Variants in KCTD16 observed in about 807,000 individuals in gnomAD.
KCTD16 encodes the protein BTB/POZ domain-containing protein KCTD16.
KCTD16 carries 13 observed loss-of-function variants against 33.2 expected under a neutral mutation model. That is an observed-to-expected ratio of 0.39 (90% CI 0.25 to 0.62). The LOEUF (loss-of-function observed/expected upper bound fraction) is 0.62, where lower values mean the gene tolerates loss of function less well. Among genes scored for constraint, KCTD16 ranks in the 20% least tolerant of loss-of-function variants. The pLI, the probability that KCTD16 is intolerant of heterozygous loss-of-function variation, is 0.50. For synonymous variants in KCTD16, 197 were observed against 195.3 expected (o/e 1.01, Z -0.07); for missense variants, 441 against 525.1 (o/e 0.84, Z 1.57).
rs70995050 is a variant in KCTD16, at chr5:144,393,963, C to CTT, written c.833-79681_833-79680dup. ...CTTTTCCTTTTTTTCTTTCTTTTTT[C>CTT]TTTTTTTTTTTTTTTTTGTTTAAAC... On this transcript the variant is annotated intron_variant, in intron 3 of 3. Coordinates refer to ENST00000512467, the MANE Select transcript of KCTD16 (RefSeq NM_020768.4). 2.2e-3 allele frequency among the ~76,000 whole-genome samples: 272 copies of CTT among 121,998 alleles called. 2 individuals carry two copies. The highest frequency in any genetic ancestry group is 5.0e-3 in the African/African-American group (165 of 32,888). The allele number at this position is 121,998 out of a possible 152,430, so 80.0% of individuals were successfully genotyped here.
chr5:144,456,773 T>C (rs1754074325), intron 3 of KCTD16, among the ~76,000 whole-genome samples: 1 of 151,322 alleles, frequency 6.6e-6, no homozygotes, highest in African/African-American at 2.4e-5. Flanking sequence ...TTTTTTTTTC[T>C]GGTGGGTGTA....
Position 144,479,826 on chromosome 5 carries a change from A to G in KCTD16, c.*5712A>G, listed in dbSNP as rs1754669727. ...ATTATTTAGGAAATTTACTTTTAAAAGGATAAAGAAAAATGTGCCTGGCCT... is the reference window on the plus strand; with the variant it reads ...ATTATTTAGGAAATTTACTTTTAAAGGGATAAAGAAAAATGTGCCTGGCCT... On this transcript the variant is annotated 3_prime_UTR_variant, in exon 4 of 4. Coordinates refer to ENST00000512467, the MANE Select transcript of KCTD16 (RefSeq NM_020768.4). The G allele has an allele frequency of 1.3e-5, 2 of 151,940 alleles. No individual in the cohort carries two copies. Among genetic ancestry groups the G allele is most frequent in the South Asian group, 4.1e-4 (2 of 4,828 alleles). The allele number at this position is 151,940 out of a possible 1,614,324, so 9.4% of individuals were successfully genotyped here. A position where few individuals can be genotyped will look rare whatever the true frequency, so the allele number is the denominator to read the frequency against.
Position 144,460,835 on chromosome 5 carries a change from T to C in KCTD16, c.833-12825T>C, listed in dbSNP as rs73792039. Among the ~76,000 whole-genome samples the C allele has an allele frequency of 2.8e-3, 427 of 152,254 alleles. 4 individuals are homozygous for C. Among genetic ancestry groups the C allele is most frequent in the African/African-American group, 9.7e-3 (404 of 41,538 alleles). ...GATCAATCAAATCTTAGTTTAGTGC[T>C]TAGTGAATGAATGTGAAGATCAAAT... On this transcript the variant is annotated intron_variant, in intron 3 of 3. Transcript: ENST00000512467.
chr5:144,224,540 C>A (rs1753870595), intron 3 of KCTD16, among the ~76,000 whole-genome samples: 1 of 152,044 alleles, frequency 6.6e-6, no homozygotes, highest in Admixed American at 6.6e-5. Context: ...CAGCCCTATT[C>A]TGTAAAAACA....
intron 3 of KCTD16, among the ~76,000 whole-genome samples, chr5:144,241,219 G>A (rs572619359): frequency 6.6e-5 from 10 of 152,208 alleles, no homozygotes; most frequent in South Asian, 6.2e-4. Flanking sequence ...AGGGCACTAC[G>A]TGAGTAAAAA....
intron 3 of KCTD16, among the ~76,000 whole-genome samples, chr5:144,261,434 C>T (rs1755008477): frequency 6.6e-6 from 1 of 152,312 alleles, no homozygotes; most frequent in Admixed American, 6.5e-5. Flanking sequence ...ACCCTCTCTG[C>T]TTCTATAAAA....
intron 3 of KCTD16, among the ~76,000 whole-genome samples, chr5:144,226,432 T>C (rs1466967618): frequency 7.2e-5 from 11 of 152,188 alleles, no homozygotes; most frequent in Admixed American, 7.2e-4. Context: ...ATCCATGAGG[T>C]AATATTTTTA....
At position 144,384,204 on chromosome 5, in the gene KCTD16, C is replaced by T. The variant is rs1752275985; in HGVS notation, c.833-89456C>T. On this transcript the variant is annotated intron_variant, in intron 3 of 3. Coordinates refer to ENST00000512467, the MANE Select transcript of KCTD16 (RefSeq NM_020768.4). ...GGTAGCAAGTGATGGAGCATTTCTA[C>T]GTGTATCCAAACCTTTGCAAAATGG... The T allele has an allele frequency of 3.9e-5, 6 of 152,294 alleles. No homozygotes were observed. In the South Asian group the frequency reaches 1.0e-3, roughly 26 times the overall value. The allele number at this position is 152,294 out of a possible 1,614,324, so 9.4% of individuals were successfully genotyped here. A position where few individuals can be genotyped will look rare whatever the true frequency, so the allele number is the denominator to read the frequency against.
intron 3 of KCTD16, among the ~76,000 whole-genome samples, chr5:144,379,605 C>T (rs1003812066): frequency 6.6e-6 from 1 of 152,128 alleles, no homozygotes; most frequent in East Asian, 1.9e-4. Flanking sequence ...AAGGTAACAT[C>T]TTCAACAAGT....
At chr5:144,173,432 A>G (rs2126768618) in intron 1 of KCTD16, among the ~76,000 whole-genome samples, 1 of 152,336 alleles carries the variant, frequency 6.6e-6, no homozygotes, top group East Asian at 1.9e-4. Context: ...CTAAATAATG[A>G]GAACACATGG....
intron 3 of KCTD16, among the ~76,000 whole-genome samples, chr5:144,270,769 A>G (rs2126846553): frequency 6.6e-6 from 1 of 151,948 alleles, no homozygotes; most frequent in Middle Eastern, 3.4e-3. Context: ...AAATTGGCAA[A>G]CCTTTAGCTA....
intron 3 of KCTD16, among the ~76,000 whole-genome samples, chr5:144,365,023 ATT>A (rs11325209): frequency 1.1e-3 from 167 of 146,340 alleles, no homozygotes; most frequent in East Asian, 1.2e-3. Flanking sequence ...GCAAATCCTC[ATT>A]TTTTTTTTTT....
chr5:144,350,310 A>T (rs555358979), intron 3 of KCTD16, among the ~76,000 whole-genome samples: 1 of 152,276 alleles, frequency 6.6e-6, no homozygotes, highest in East Asian at 1.9e-4. Context: ...AGAACTGCAA[A>T]CACAAGGCCT....
intron 3 of KCTD16, among the ~76,000 whole-genome samples, chr5:144,258,180 A>C (rs1754904176): frequency 6.6e-6 from 1 of 152,200 alleles, no homozygotes; most frequent in Admixed American, 6.5e-5. Context: ...TGAAAAGAAC[A>C]TCTATATAAA....
chr5:144,348,423 G>A (rs1752861059), intron 3 of KCTD16, among the ~76,000 whole-genome samples: 1 of 152,130 alleles, frequency 6.6e-6, no homozygotes, highest in South Asian at 2.1e-4. Flanking sequence ...GTCACCAGCT[G>A]GTAAATAGCC....
At chr5:144,305,001 T>C (rs1218929617) in intron 3 of KCTD16, among the ~76,000 whole-genome samples, 3 of 105,340 alleles carry the variant, frequency 2.8e-5, no homozygotes, top group African/African-American at 1.3e-4. Context: ...TTTTTTTTTT[T>C]CTGAGTTGGC....
At chr5:144,256,784 A>C (rs1375720903) in intron 3 of KCTD16, among the ~76,000 whole-genome samples, 1 of 152,118 alleles carries the variant, frequency 6.6e-6, no homozygotes, top group South Asian at 2.1e-4. Flanking sequence ...AAATTATTGT[A>C]TACCAAAAAC....
intron 3 of KCTD16, among the ~76,000 whole-genome samples, chr5:144,340,445 T>C (rs1366151855): frequency 7.0e-6 from 1 of 142,440 alleles, no homozygotes; most frequent in Non-Finnish European, 1.5e-5. Flanking sequence ...AGAGGCAGAG[T>C]TGGAGAGGGG....
intron 2 of KCTD16, among the ~76,000 whole-genome samples, chr5:144,200,240 A>G (rs1294955630): frequency 6.6e-6 from 1 of 152,118 alleles, no homozygotes; most frequent in East Asian, 1.9e-4. Context: ...CGGAGGCACA[A>G]TGGTGATACA....
Sources: allele counts gnomAD v4.1 joint callset (sites outside exome capture counted in the v4.1 genomes callset), GRCh38; gene constraint gnomAD v4.1.1; transcripts MANE v1.5; gene names NCBI Gene and HGNC (gene_info 2026-07-23, HGNC 2026-07-21).